TMEM132D: variants seen among roughly 807,000 people sequenced by gnomAD.
The protein encoded by TMEM132D is mature OL transmembrane protein.
Under a neutral mutation model 62.3 loss-of-function variants are expected in TMEM132D, and 21 were observed. The observed-to-expected ratio is 0.34, with a 90% confidence interval of 0.24 to 0.49. TMEM132D has a LOEUF of 0.49. Among genes scored for constraint, TMEM132D ranks in the 20% least tolerant of loss-of-function variants. The pLI, the probability that TMEM132D is intolerant of heterozygous loss-of-function variation, is 0.99. For synonymous variants in TMEM132D, 621 were observed against 575.6 expected (o/e 1.08, Z -1.13); for missense variants, 1,346 against 1,402.8 (o/e 0.96, Z 0.65).
intron 2 of TMEM132D, among the ~76,000 whole-genome samples, chr12:129,651,682 C>G (rs1195049636): frequency 6.6e-6 from 1 of 152,134 alleles, no homozygotes; most frequent in Non-Finnish European, 1.5e-5. Flanking sequence ...CAGAGTTATT[C>G]ATAATTAAGA....
chr12:129,173,529 A>C (rs1416978148), intron 5 of TMEM132D, among the ~76,000 whole-genome samples: 1 of 152,176 alleles, frequency 6.6e-6, no homozygotes. Flanking sequence ...TCATCTGATG[A>C]GTGGATGATC....
At chr12:129,304,626 C>T (rs1881801345) in intron 4 of TMEM132D, among the ~76,000 whole-genome samples, 1 of 151,926 alleles carries the variant, frequency 6.6e-6, no homozygotes, top group South Asian at 2.1e-4. Flanking sequence ...GCAAAAGTTC[C>T]CCTGCCACAC....
chr12:129,406,857 C>T (rs1871806580), intron 3 of TMEM132D, among the ~76,000 whole-genome samples: 1 of 152,212 alleles, frequency 6.6e-6, no homozygotes, highest in Admixed American at 6.5e-5. Context: ...CAGAAGTATC[C>T]CTGGTTATGC....
At chr12:129,649,828 G>A (rs376022665) in intron 2 of TMEM132D, among the ~76,000 whole-genome samples, 32 of 151,310 alleles carry the variant, frequency 2.1e-4, no homozygotes, top group East Asian at 1.7e-3. Flanking sequence ...GTATATGTGC[G>A]TATGTGCATG....
At chr12:129,829,868 C>T (rs1872776630) in intron 1 of TMEM132D, among the ~76,000 whole-genome samples, 1 of 152,182 alleles carries the variant, frequency 6.6e-6, no homozygotes, top group South Asian at 2.1e-4. Context: ...ATTAGAACGA[C>T]TCACCCAGGT....
At chr12:129,103,393 C>T (rs886685290) in intron 5 of TMEM132D, among the ~76,000 whole-genome samples, 5 of 152,238 alleles carry the variant, frequency 3.3e-5, no homozygotes, top group African/African-American at 7.2e-5. Flanking sequence ...GCCCATGCCC[C>T]CACCTCGGAG....
At chr12:129,243,275 T>C (rs986447779) in intron 4 of TMEM132D, among the ~76,000 whole-genome samples, 1 of 152,232 alleles carries the variant, frequency 6.6e-6, no homozygotes, top group African/African-American at 2.4e-5. Flanking sequence ...CATTATTCAT[T>C]GTAGTATTTC....
intron 2 of TMEM132D, among the ~76,000 whole-genome samples, chr12:129,636,698 A>ATGTGTGTG (rs542826978): frequency 0.035 from 3,760 of 107,788 alleles, 118 homozygotes; most frequent in Admixed American, 0.05. Context: ...TCATACAGAA[A>ATGTGTGTG]TGTGTGTGTG....
At chr12:129,354,300 A>C (rs1869963949) in intron 3 of TMEM132D, among the ~76,000 whole-genome samples, 1 of 135,640 alleles carries the variant, frequency 7.4e-6, no homozygotes. Context: ...TGATGCAAAA[A>C]CTAAACTTTA....
chr12:129,093,056 A>T (rs1228575217), intron 5 of TMEM132D, among the ~76,000 whole-genome samples: 1 of 152,246 alleles, frequency 6.6e-6, no homozygotes, highest in African/African-American at 2.4e-5. Flanking sequence ...TGGAGGACAC[A>T]CTGGACACAG....
intron 3 of TMEM132D, among the ~76,000 whole-genome samples, chr12:129,487,069 GT>G (rs1249208114): frequency 6.6e-6 from 1 of 152,060 alleles, no homozygotes; most frequent in African/African-American, 2.4e-5. Flanking sequence ...GTGACAGTTG[GT>G]TTTGGTCAGA....
At chr12:129,683,288 CT>C (rs1174869310) in intron 2 of TMEM132D, among the ~76,000 whole-genome samples, 1 of 152,198 alleles carries the variant, frequency 6.6e-6, no homozygotes, top group Non-Finnish European at 1.5e-5. Context: ...ACTATAGGGC[CT>C]CTGGCCAGTT....
intron 2 of TMEM132D, among the ~76,000 whole-genome samples, chr12:129,624,550 C>T (rs112816541): frequency 5.0e-4 from 76 of 152,354 alleles, no homozygotes; most frequent in African/African-American, 1.7e-3. Context: ...CCACTGCAGA[C>T]AGCACAGTGG....
chr12:129,152,518 G>A (rs1370173990), intron 5 of TMEM132D, among the ~76,000 whole-genome samples: 1 of 152,140 alleles, frequency 6.6e-6, no homozygotes, highest in Non-Finnish European at 1.5e-5. Flanking sequence ...ATGAGCCTGG[G>A]CTCCTGTCTG....
intron 4 of TMEM132D, among the ~76,000 whole-genome samples, chr12:129,336,671 G>C (rs1047179390): frequency 3.9e-5 from 6 of 152,230 alleles, no homozygotes; most frequent in Non-Finnish European, 8.8e-5. Context: ...GAGGGCTCTT[G>C]TGGGACTGAG....
At chr12:129,151,599 C>A (rs191386307) in intron 5 of TMEM132D, among the ~76,000 whole-genome samples, 19 of 152,310 alleles carry the variant, frequency 1.2e-4, no homozygotes, top group Admixed American at 4.6e-4. Flanking sequence ...TGGAATATTT[C>A]TCTACTAATT....
chr12:129,116,542 T>A (rs1156266757), intron 5 of TMEM132D, among the ~76,000 whole-genome samples: 1 of 151,768 alleles, frequency 6.6e-6, no homozygotes, highest in East Asian at 1.9e-4. Flanking sequence ...TTCTTAAAAC[T>A]CAACAATAAG....
intron 5 of TMEM132D, among the ~76,000 whole-genome samples, chr12:129,170,418 G>A (rs929675590): frequency 6.6e-6 from 1 of 152,156 alleles, no homozygotes; most frequent in Non-Finnish European, 1.5e-5. Context: ...GAGAGTTACA[G>A]GAATTTTTTG....
rs112489732 is a variant in TMEM132D, at chr12:129,375,612, T to G, written c.1116-37795A>C. Among the ~76,000 whole-genome samples the G allele has an allele frequency of 7.9e-3, 1,197 of 152,188 alleles. 19 individuals are homozygous for G. Among genetic ancestry groups the G allele is most frequent in the African/African-American group, 0.027 (1,135 of 41,514 alleles). ...AGTTAATCTTATGAGATTTGTGGAGTAAGTATGGAGAGCATGCCCTTTAAA... is the reference window on the plus strand; with the variant it reads ...AGTTAATCTTATGAGATTTGTGGAGGAAGTATGGAGAGCATGCCCTTTAAA... On this transcript the variant is annotated intron_variant, in intron 3 of 8. Coordinates refer to ENST00000422113, the MANE Select transcript of TMEM132D (RefSeq NM_133448.3).
Sources: gnomAD v4.1 joint callset for allele counts (sites outside exome capture counted in the v4.1 genomes callset) on GRCh38, gnomAD v4.1.1 for gene constraint, MANE v1.5 for transcripts, NCBI Gene and HGNC (gene_info 2026-07-23, HGNC 2026-07-21) for gene names.